The following LARGE1 variants were observed in gnomAD, a reference collection of about 807,000 sequenced individuals.
LARGE1 encodes the protein LARGE xylosyl- and glucuronyltransferase 1.
A neutral mutation model predicts 87.6 loss-of-function variants in LARGE1; 43 were observed. The ratio of observed to expected loss-of-function variants is 0.49; its 90% CI spans 0.38 to 0.63. LARGE1 has a LOEUF of 0.63. Ranked by LOEUF, LARGE1 falls within the 30% of genes least tolerant of loss-of-function variation. The pLI, the probability that LARGE1 is intolerant of heterozygous loss-of-function variation, is 0.00. For synonymous variants in LARGE1, 434 were observed against 394.6 expected (o/e 1.10, Z -1.18); for missense variants, 802 against 1,000.2 (o/e 0.80, Z 2.67).
intron 2 of LARGE1, among the ~76,000 whole-genome samples, chr22:33,661,856 A>C (rs973366895): frequency 6.6e-6 from 1 of 152,046 alleles, no homozygotes; most frequent in African/African-American, 2.4e-5. Flanking sequence ...AGGGAGGGGG[A>C]CTACCAGATA....
chr22:33,068,036 A>T, the LARGE1 span, among the ~76,000 whole-genome samples: 2 of 152,088 alleles, frequency 1.3e-5, no homozygotes, highest in East Asian at 3.8e-4. Flanking sequence ...TTGTGAGATG[A>T]TCATGAGGAT....
At chr22:33,310,985 G>A (rs762305838) in intron 11 of LARGE1, among the ~76,000 whole-genome samples, 19 of 149,122 alleles carry the variant, frequency 1.3e-4, no homozygotes, top group Admixed American at 1.2e-3. Context: ...TTTTGAGACC[G>A]AGTCTCGCTT....
chr22:33,851,316 T>G (rs548802288), intron 1 of LARGE1, among the ~76,000 whole-genome samples: 1 of 152,372 alleles, frequency 6.6e-6, no homozygotes, highest in South Asian at 2.1e-4. Context: ...CAGCCCTAGC[T>G]ACCTTCTCTC....
chr22:33,326,481 CT>C (rs932500675), intron 10 of LARGE1, among the ~76,000 whole-genome samples: 21 of 152,200 alleles, frequency 1.4e-4, no homozygotes, highest in African/African-American at 5.1e-4. Context: ...TTCTAAGCTC[CT>C]GGCCCTGTCT....
intron 1 of LARGE1, among the ~76,000 whole-genome samples, chr22:33,878,384 C>G (rs1343744984): frequency 6.6e-6 from 1 of 151,968 alleles, no homozygotes. Flanking sequence ...CCGCCTCAGC[C>G]TCCCAAAGTG....
chr22:33,601,631 C>T (rs1415517956), intron 5 of LARGE1, among the ~76,000 whole-genome samples: 1 of 152,048 alleles, frequency 6.6e-6, no homozygotes, highest in Non-Finnish European at 1.5e-5. Flanking sequence ...TGGATTCTGA[C>T]AACACTCTCA....
At chr22:33,857,321 A>G (rs527601511) in intron 1 of LARGE1, among the ~76,000 whole-genome samples, 2 of 152,328 alleles carry the variant, frequency 1.3e-5, no homozygotes, top group East Asian at 3.9e-4. Context: ...AGGGCAGGAG[A>G]AAAAAATCCA....
intron 5 of LARGE1, 61 bp from the exon 6 acceptor site, chr22:33,565,080 C>G: frequency 4.7e-6 from 7 of 1,491,548 alleles, no homozygotes; most frequent in Non-Finnish European, 6.5e-6. Context: ...TATATTAATT[C>G]TTTGCTTAAA....
intron 12 of LARGE1, among the ~76,000 whole-genome samples, chr22:33,297,682 C>T (rs1048897289): frequency 1.8e-4 from 27 of 149,754 alleles, no homozygotes; most frequent in Non-Finnish European, 2.5e-4. Flanking sequence ...AGATACTTTA[C>T]ACTTTGGGCA....
At chr22:33,338,392 T>C (rs111592880) in intron 9 of LARGE1, among the ~76,000 whole-genome samples, 19,263 of 151,974 alleles carry the variant, frequency 0.13, 2,490 homozygotes, top group African/African-American at 0.34. Context: ...GGCCCAGTGA[T>C]GCTGCCTCTG....
At chr22:33,443,976 T>C (rs928686276) in intron 6 of LARGE1, among the ~76,000 whole-genome samples, 1 of 152,246 alleles carries the variant, frequency 6.6e-6, no homozygotes, top group African/African-American at 2.4e-5. Flanking sequence ...TTGTCTTTTT[T>C]AAAAAACAGA....
In LARGE1 at chr22:33,559,243, G is replaced by T. The variant is rs1489456947; in HGVS notation, c.787+5605C>A. ...GTTGCCCAGGCTGGAGTGCAATGGT[G>T]TGATCTTGGCATACTGCAACCTCTG... On this transcript the variant is annotated intron_variant, in intron 6 of 14. Transcript: ENST00000397394. Among the ~76,000 whole-genome samples the T allele has an allele frequency of 2.6e-5, 4 of 152,308 alleles. No individual in the cohort carries two copies. In the East Asian group the frequency reaches 5.8e-4, roughly 22 times the overall value.
the LARGE1 span, among the ~76,000 whole-genome samples, chr22:33,120,458 C>CTCTT: frequency 1.2e-4 from 17 of 145,406 alleles, no homozygotes; most frequent in African/African-American, 3.3e-4. Flanking sequence ...CTCTCTCTCT[C>CTCTT]TCTTTCTTTC....
At chr22:33,424,992 G>C (rs571496196) in intron 7 of LARGE1, among the ~76,000 whole-genome samples, 1 of 151,956 alleles carries the variant, frequency 6.6e-6, no homozygotes. Flanking sequence ...GGCTGGGCGC[G>C]GCAGCTCACG....
chr22:33,091,576 A>AAATC, the LARGE1 span, among the ~76,000 whole-genome samples: 1 of 151,048 alleles, frequency 6.6e-6, no homozygotes, highest in Non-Finnish European at 1.5e-5. Flanking sequence ...ATAAATAAAT[A>AAATC]AATAAATAAA....
chr22:33,277,435 G>A (rs770534123), intron 13 of LARGE1, among the ~76,000 whole-genome samples, 180 bp from the exon 14 acceptor site: 1 of 152,198 alleles, frequency 6.6e-6, no homozygotes, highest in Non-Finnish European at 1.5e-5. Context: ...GACCTATTTG[G>A]AATCAGGATC....
chr22:33,294,272 G>C (rs1250324871), intron 12 of LARGE1, among the ~76,000 whole-genome samples: 1 of 152,234 alleles, frequency 6.6e-6, no homozygotes, highest in African/African-American at 2.4e-5. Context: ...TGAAGGCACT[G>C]GGGCTGCTGT....
chr22:33,668,430 G>A lies in LARGE1; in HGVS notation c.107-17762C>T, dbSNP rs144554228. 6.4e-3 allele frequency among the ~76,000 whole-genome samples: 980 copies of A among 152,296 alleles called. 11 individuals are homozygous for A. Among genetic ancestry groups the A allele is most frequent in the African/African-American group, 0.023 (935 of 41,552 alleles). On this transcript the variant is annotated intron_variant, in intron 2 of 14. Coordinates refer to ENST00000397394, the MANE Select transcript of LARGE1 (RefSeq NM_133642.5). ...GAATAAATGAGATGAAGCACTAGAG[G>A]CATTTAGCTGCTCCAGCTAAGTATG... is the stretch of plus-strand genomic sequence containing the variant.
At chr22:33,412,938 G>T (rs2066359587) in intron 7 of LARGE1, among the ~76,000 whole-genome samples, 1 of 152,240 alleles carries the variant, frequency 6.6e-6, no homozygotes, top group Admixed American at 6.5e-5. Context: ...TGGGATTACA[G>T]GCGTGAGCCA....
Sources: allele counts gnomAD v4.1 joint callset (sites outside exome capture counted in the v4.1 genomes callset), GRCh38; gene constraint gnomAD v4.1.1; transcripts MANE v1.5; gene names NCBI Gene and HGNC (gene_info 2026-07-23, HGNC 2026-07-21).